Variants in ZNF571 observed in about 807,000 individuals in gnomAD.
ZNF571 encodes the protein zinc finger protein 571.
A neutral mutation model predicts 7.7 loss-of-function variants in ZNF571; 4 were observed. The observed-to-expected ratio is 0.52, with a 90% CI of 0.25 to 1.18. The LOEUF (loss-of-function observed/expected upper bound fraction) is 1.18. ZNF571 is among the 50% of genes most tolerant of loss of function. The pLI is 0.14. For missense variants in ZNF571, 704 were observed against 726.9 expected (o/e 0.97, Z 0.36); for synonymous variants, 251 against 232.4 (o/e 1.08, Z -0.73).
At chr19:37,574,030 T>C (rs1051459747) in intron 3 of ZNF571, among the ~76,000 whole-genome samples, 1 of 152,180 alleles carries the variant, frequency 6.6e-6, no homozygotes, top group African/African-American at 2.4e-5. Context: ...TTCACATCTG[T>C]ACACATGTAT....
At position 37,566,188 on chromosome 19, in the gene ZNF571, GT is replaced by G. The variant is rs1568342398; in HGVS notation, c.239del (p.His80ProfsTer17). The part of the protein sequence containing the change: ...WENMGKRINH[H>X]LQYNGLGDNM... ...TGTCTCCAAGACCATTGTATTGAAGGTGATGGTTGATACGTTTCCCCATATT... is the reference window on the plus strand; with the variant it reads ...TGTCTCCAAGACCATTGTATTGAAGGGATGGTTGATACGTTTCCCCATATT... On this transcript the variant is annotated frameshift_variant, in exon 4 of 4. Coordinates refer to ENST00000451802, the MANE Select transcript of ZNF571 (RefSeq NM_016536.5). LOFTEE classifies it low-confidence loss of function (END_TRUNC). 1 of 1,613,948 alleles carries G rather than the reference GT, an allele frequency of 6.2e-7. No individual in the cohort carries two copies. Among genetic ancestry groups the G allele is most frequent in the Admixed American group, 1.7e-5 (1 of 59,994 alleles).
chr19:37,588,087 G>A (rs758069737), intron 1 of ZNF571, among the ~76,000 whole-genome samples: 47 of 99,140 alleles, frequency 4.7e-4, no homozygotes, highest in East Asian at 3.3e-3. Context: ...GTGACAGAGC[G>A]AGACTCCATC....
chr19:37,570,429 C>G (rs369935723), intron 3 of ZNF571, among the ~76,000 whole-genome samples: 16 of 152,130 alleles, frequency 1.1e-4, no homozygotes, highest in Non-Finnish European at 1.9e-4. Flanking sequence ...TAACCTCTCC[C>G]AAGATAGACA....
intron 1 of ZNF571, among the ~76,000 whole-genome samples, chr19:37,589,508 T>C (rs1224069453): frequency 6.6e-6 from 1 of 151,936 alleles, no homozygotes; most frequent in Non-Finnish European, 1.5e-5. Context: ...TCAACGGTCA[T>C]TCAACATGTA....
intron 3 of ZNF571, among the ~76,000 whole-genome samples, chr19:37,572,446 G>A (rs547118933): frequency 1.2e-4 from 18 of 152,242 alleles, no homozygotes; most frequent in African/African-American, 4.3e-4. Context: ...CCTCTGACCA[G>A]CATATTGTCT....
At chr19:37,588,099 CAAAAAAAAAAAAAAA>C (rs58516591) in intron 1 of ZNF571, among the ~76,000 whole-genome samples, 6 of 45,742 alleles carry the variant, frequency 1.3e-4, no homozygotes, top group African/African-American at 1.7e-4. Context: ...GACTCCATCT[CAAAAAAAAAAAAAAA>C]AAAAAAAAAA....
intron 3 of ZNF571, among the ~76,000 whole-genome samples, chr19:37,574,300 T>C (rs922876117): frequency 6.6e-6 from 1 of 152,186 alleles, no homozygotes. Flanking sequence ...CTGTCTATAG[T>C]ACTCAAATTA....
intron 3 of ZNF571, among the ~76,000 whole-genome samples, chr19:37,581,466 C>CT (rs1226046583): frequency 0.054 from 7,526 of 138,638 alleles, 329 homozygotes; most frequent in African/African-American, 0.12. Context: ...TTCTTTCTTT[C>CT]TTTTTTTTTT....
chr19:37,577,684 G>A (rs1159632007), intron 3 of ZNF571, among the ~76,000 whole-genome samples: 6 of 152,130 alleles, frequency 3.9e-5, no homozygotes, highest in African/African-American at 1.4e-4. Flanking sequence ...TCTGGTGATA[G>A]CCGGCTATTC....
At chr19:37,590,331 G>T (rs188097291) in intron 1 of ZNF571, among the ~76,000 whole-genome samples, 1 of 151,768 alleles carries the variant, frequency 6.6e-6, no homozygotes, top group Non-Finnish European at 1.5e-5. Context: ...GCAGGAGAAC[G>T]GCGTGAACCC....
At chr19:37,584,504 CCAAA>C (rs1238255451) in intron 2 of ZNF571, among the ~76,000 whole-genome samples, 2 of 152,092 alleles carry the variant, frequency 1.3e-5, no homozygotes, top group African/African-American at 4.8e-5. Flanking sequence ...GAATTTTTTT[CCAAA>C]CAATGTTTAC....
intron 1 of ZNF571, among the ~76,000 whole-genome samples, chr19:37,593,142 G>A (rs975194664): frequency 1.3e-5 from 2 of 150,792 alleles, no homozygotes; most frequent in African/African-American, 4.9e-5. Context: ...TTTTTATGTT[G>A]GTATAACAGC....
intron 3 of ZNF571, among the ~76,000 whole-genome samples, chr19:37,581,227 T>G (rs895880542): frequency 2.0e-5 from 3 of 152,190 alleles, no homozygotes; most frequent in African/African-American, 4.8e-5. Context: ...CCAAACATCA[T>G]GTTTCCTACC....
At chr19:37,575,741 ATTT>A (rs1374372139) in intron 3 of ZNF571, 2 of 152,290 alleles carry the variant, frequency 1.3e-5, no homozygotes, top group Non-Finnish European at 2.9e-5. Context: ...CACACTTGGT[ATTT>A]TTTAATTTAG....
At position 37,584,034 on chromosome 19, in the gene ZNF571, G is replaced by A; in HGVS notation, c.73C>T (p.Pro25Ser). The stretch of plus-strand genomic sequence containing the variant: ...TCCCTGTACAAGTCCCTCTGAGCAG[G>A]GTCCAGGCATTCCCATTCCTCCTGA... ...FSQEEWECLD[P>S]AQRDLYRDVM... Residue 25 changes from proline (P) to serine (S), a missense_variant, in exon 3 of 4, where the codon CCT (proline) becomes TCT (serine). Physicochemically the swap from Pro to Ser is moderately conservative, Grantham distance 74. Transcript: ENST00000451802. 1 of 1,614,066 alleles carries A rather than the reference G, an allele frequency of 6.2e-7. No homozygotes were observed. The highest frequency in any genetic ancestry group is 8.5e-7 in the Non-Finnish European group (1 of 1,179,956).
chr19:37,580,803 A>G (rs950792896), intron 3 of ZNF571, among the ~76,000 whole-genome samples: 18 of 152,214 alleles, frequency 1.2e-4, no homozygotes, highest in African/African-American at 4.3e-4. Flanking sequence ...CCTCACCAGA[A>G]GCCAAACAGA....
chr19:37,589,995 C>T (rs1336593244), intron 1 of ZNF571, among the ~76,000 whole-genome samples: 1 of 150,028 alleles, frequency 6.7e-6, no homozygotes, highest in African/African-American at 2.5e-5. Flanking sequence ...CACAAAGGAT[C>T]AAAGAAAAGT....
At chr19:37,578,202 G>A (rs1177520893) in intron 3 of ZNF571, among the ~76,000 whole-genome samples, 2 of 152,122 alleles carry the variant, frequency 1.3e-5, no homozygotes, top group East Asian at 3.8e-4. Flanking sequence ...ACCAGTCCCT[G>A]GTGCCAAAAA....
At chr19:37,577,533 C>T (rs1227668186) in intron 3 of ZNF571, among the ~76,000 whole-genome samples, 1 of 152,108 alleles carries the variant, frequency 6.6e-6, no homozygotes, top group Non-Finnish European at 1.5e-5. Context: ...AAAGCTAATC[C>T]TTTATACCTT....
Sources: allele counts gnomAD v4.1 joint callset (sites outside exome capture counted in the v4.1 genomes callset), GRCh38; gene constraint gnomAD v4.1.1; transcripts MANE v1.5; gene names NCBI Gene and HGNC (gene_info 2026-07-23, HGNC 2026-07-21).